Variants in SUN3 observed in about 807,000 individuals in gnomAD.
SUN3 encodes Sad1 and UNC84 domain containing 3.
Under a neutral mutation model 48.2 loss-of-function variants are expected in SUN3, and 36 were observed. The ratio of observed to expected loss-of-function variants is 0.75; its 90% CI spans 0.57 to 0.99. The LOEUF (loss-of-function observed/expected upper bound fraction) is 0.99, where lower values mean the gene tolerates loss of function less well. Ranked by LOEUF, SUN3 falls within the 50% of genes least tolerant of loss-of-function variation. SUN3 has a pLI of 0.00. For synonymous variants in SUN3, 148 were observed against 147.9 expected, an observed-to-expected ratio of 1.00 and a Z score of 0.00; for missense variants, 419 against 433.1, an observed-to-expected ratio of 0.97 and a Z score of 0.29.
At chr7:48,011,439 A>G (rs1789680546) in intron 3 of SUN3, among the ~76,000 whole-genome samples, 1 of 152,234 alleles carries the variant, frequency 6.6e-6, no homozygotes, top group African/African-American at 2.4e-5. Flanking sequence ...TGTTCTGAAC[A>G]ATTACACTTC....
At chr7:48,010,468 G>T (rs537833683) in intron 3 of SUN3, among the ~76,000 whole-genome samples, 1 of 152,164 alleles carries the variant, frequency 6.6e-6, no homozygotes, top group Non-Finnish European at 1.5e-5. Flanking sequence ...TACTCAAGTG[G>T]TTTATCAATT....
chr7:48,006,837 G>T (rs1303657599), intron 5 of SUN3, among the ~76,000 whole-genome samples: 1 of 152,168 alleles, frequency 6.6e-6, no homozygotes, highest in Non-Finnish European at 1.5e-5. Context: ...TGAAGATGAT[G>T]AATGCAAATC....
chr7:47,987,182 T>C lies in SUN3; in HGVS notation c.*148A>G, dbSNP rs1788923754. On this transcript the variant is annotated 3_prime_UTR_variant, in exon 10 of 10. Transcript: ENST00000297325. Reference sequence around the variant, plus strand: ...CTTCCATATTTTTTTATTAGTAAAATGCATTTACTTTTTACAGGCAAGTAT... The same window carrying C: ...CTTCCATATTTTTTTATTAGTAAAACGCATTTACTTTTTACAGGCAAGTAT... 2 of 657,320 alleles carry C rather than the reference T, an allele frequency of 3.0e-6. No individual in the cohort carries two copies. The highest frequency in any genetic ancestry group is 4.7e-6 in the Non-Finnish European group (2 of 428,898). 40.7% of individuals were successfully genotyped at this position (657,320 alleles called of 1,614,324 possible).
intron 6 of SUN3, among the ~76,000 whole-genome samples, chr7:48,004,484 C>T (rs956883808): frequency 6.6e-6 from 1 of 152,204 alleles, no homozygotes; most frequent in African/African-American, 2.4e-5. Flanking sequence ...AAGACTTGAG[C>T]CACAGTTTAC....
chr7:48,014,458 G>A (rs1446759751), intron 3 of SUN3, among the ~76,000 whole-genome samples: 1 of 152,172 alleles, frequency 6.6e-6, no homozygotes, highest in African/African-American at 2.4e-5. Flanking sequence ...AAGGGAAGAA[G>A]GCAAGAAGAG....
Position 48,009,026 on chromosome 7 carries a change from C to G in SUN3, c.329+9G>C. On this transcript the variant is annotated intron_variant, in intron 4 of 9. Coordinates refer to ENST00000297325, the MANE Select transcript of SUN3 (RefSeq NM_001030019.2). The stretch of plus-strand genomic sequence containing the variant: ...CAAAAAGAGGCATATAGCAAAAGAT[C>G]GCACTCACTTTAAAAGTTCCAGTTG... 6.2e-7 allele frequency: 1 copy of G among 1,610,384 alleles called. No individual in the cohort carries two copies. The highest frequency in any genetic ancestry group is 8.5e-7 in the Non-Finnish European group (1 of 1,178,500).
At chr7:48,032,466 A>G (rs184207429), upstream of SUN3, among the ~76,000 whole-genome samples, 1 of 152,370 alleles carries the variant, frequency 6.6e-6, no homozygotes, top group Admixed American at 6.5e-5. Flanking sequence ...TCAACCAAAG[A>G]AAAAGGCCAT....
intron 6 of SUN3, among the ~76,000 whole-genome samples, chr7:47,999,878 TTAAG>T (rs1253623635): frequency 6.6e-6 from 1 of 152,244 alleles, no homozygotes; most frequent in East Asian, 1.9e-4. Context: ...CTCTGTATTT[TTAAG>T]TAATTGTTCT....
chr7:48,033,236 G>T (rs1790275605), upstream of SUN3, among the ~76,000 whole-genome samples: 1 of 152,124 alleles, frequency 6.6e-6, no homozygotes, highest in South Asian at 2.1e-4. Flanking sequence ...GATCTGGTTT[G>T]CAAATATTTG....
chr7:47,987,176 G>C lies in SUN3; in HGVS notation c.*154C>G. On this transcript the variant is annotated 3_prime_UTR_variant, in exon 10 of 10. Coordinates refer to ENST00000297325, the MANE Select transcript of SUN3 (RefSeq NM_001030019.2). ...AATTTACTTCCATATTTTTTTATTA[G>C]TAAAATGCATTTACTTTTTACAGGC... The C allele has an allele frequency of 1.6e-6, 1 of 621,112 alleles. No individual in the cohort carries two copies. Among genetic ancestry groups the C allele is most frequent in the Non-Finnish European group, 2.5e-6 (1 of 401,552 alleles). The allele number at this position is 621,112 out of a possible 1,614,324, so 38.5% of individuals were successfully genotyped here.
chr7:48,021,308 T>G (rs979425530), intron 2 of SUN3, among the ~76,000 whole-genome samples: 6 of 152,046 alleles, frequency 3.9e-5, no homozygotes, highest in African/African-American at 1.4e-4. Flanking sequence ...ATGAAACAAC[T>G]ATAAGAAAAC....
intron 1 of SUN3, 74 bp from the exon 2 acceptor site, chr7:48,026,012 C>G (rs1034923359): frequency 1.1e-6 from 1 of 952,164 alleles, no homozygotes; most frequent in Non-Finnish European, 1.6e-6. Context: ...TTAGCCACTA[C>G]ACTCACGTCA....
intron 2 of SUN3, among the ~76,000 whole-genome samples, chr7:48,018,876 T>C (rs1233236483): frequency 6.6e-6 from 1 of 152,154 alleles, no homozygotes; most frequent in Non-Finnish European, 1.5e-5. Context: ...AAAAACTTTA[T>C]ATCAGCTGTT....
intron 6 of SUN3, among the ~76,000 whole-genome samples, chr7:48,005,066 G>T (rs1243196926): frequency 2.6e-5 from 4 of 152,022 alleles, no homozygotes; most frequent in Admixed American, 2.0e-4. Context: ...ACCTACATTC[G>T]TCATCATAGG....
intron 2 of SUN3, chr7:48,018,728 G>A (rs1562611867): frequency 1.3e-5 from 2 of 152,364 alleles, no homozygotes; most frequent in African/African-American, 4.8e-5. Flanking sequence ...CTGAATTCTA[G>A]AGTTATTACA....
intron 8 of SUN3, among the ~76,000 whole-genome samples, chr7:47,991,751 G>A (rs1270906965): frequency 1.3e-5 from 2 of 152,164 alleles, no homozygotes; most frequent in Non-Finnish European, 1.5e-5. Flanking sequence ...CAGGTTCCCA[G>A]GAAGGCCGGA....
At position 48,007,296 on chromosome 7, in the gene SUN3, G is replaced by A. The variant is rs763655544; in HGVS notation, c.361C>T (p.Arg121Cys). ...KESQNLENNFRQILFLIEQID... is the reference protein window; with the variant it reads ...KESQNLENNFCQILFLIEQID... Reference sequence around the variant, plus strand: ...TGTTCGATCAAAAATAGAATTTGACGAAAATTGTTTTCCAGATTCTGGCTT... The same window carrying A: ...TGTTCGATCAAAAATAGAATTTGACAAAAATTGTTTTCCAGATTCTGGCTT... The change falls in exon 5 of 10, where the codon CGT becomes TGT. Residue 121 changes from arginine (R) to cysteine (C), a missense_variant. Physicochemically the swap from Arg to Cys is radical, Grantham distance 180. Transcript: ENST00000297325. The A allele has an allele frequency of 1.1e-5, 18 of 1,613,842 alleles. No individual in the cohort carries two copies. The African/African-American group carries it at 1.5e-4, about 13-fold the overall frequency.
rs1272123376 is a variant in SUN3 at position 48,002,404 on chromosome 7, C to T, written c.577+3565G>A. ...CGATCTCCTGACCTCGTGATCCACC[C>T]GCCTCGGCCTCCCAAAGTGCTGGGA... On this transcript the variant is annotated intron_variant, in intron 6 of 9. Transcript: ENST00000297325. Among the ~76,000 whole-genome samples the T allele has an allele frequency of 1.1e-4, 14 of 127,202 alleles. 2 individuals are homozygous for T. Among genetic ancestry groups the T allele is most frequent in the African/African-American group, 6.6e-4 (12 of 18,226 alleles). The allele number at this position is 127,202 out of a possible 152,430, so 83.4% of individuals were successfully genotyped here.
intron 1 of SUN3, among the ~76,000 whole-genome samples, chr7:48,028,479 C>T (rs1435761600): frequency 2.2e-5 from 1 of 45,256 alleles, no homozygotes. Context: ...AGCCCAATGA[C>T]AAAAAAAAAA....
Sources: allele counts gnomAD v4.1 joint callset (sites outside exome capture counted in the v4.1 genomes callset), GRCh38; gene constraint gnomAD v4.1.1; transcripts MANE v1.5; gene names NCBI Gene and HGNC (gene_info 2026-07-23, HGNC 2026-07-21).